NT5DC1: variants seen among roughly 807,000 people sequenced by gnomAD.
NT5DC1 encodes the protein 5'-nucleotidase domain-containing protein 1.
Under a neutral mutation model 59.4 loss-of-function variants are expected in NT5DC1, and 42 were observed. The observed-to-expected ratio is 0.71, with a 90% CI of 0.55 to 0.92. The LOEUF is 0.92. Among genes scored for constraint, NT5DC1 ranks in the 40% least tolerant of loss-of-function variants. The pLI, the probability that NT5DC1 is intolerant of heterozygous loss-of-function variation, is 0.00. For missense variants in NT5DC1, 501 were observed against 537.1 expected, an observed-to-expected ratio of 0.93 and a Z score of 0.66; for synonymous variants, 172 against 188.1, an observed-to-expected ratio of 0.91 and a Z score of 0.70.
chr6:116,182,743 T>C (rs561584520), intron 6 of NT5DC1, among the ~76,000 whole-genome samples: 1 of 152,164 alleles, frequency 6.6e-6, no homozygotes, highest in South Asian at 2.1e-4. Context: ...GTTTGTTTTT[T>C]TCTTGCTGAT....
At chr6:116,166,805 A>C (rs1200257883) in intron 6 of NT5DC1, among the ~76,000 whole-genome samples, 2 of 152,172 alleles carry the variant, frequency 1.3e-5, no homozygotes, top group Non-Finnish European at 2.9e-5. Flanking sequence ...CCCTGATGTA[A>C]ACTTCATCAC....
intron 6 of NT5DC1, among the ~76,000 whole-genome samples, chr6:116,215,439 TG>T (rs1285022897): frequency 2.0e-5 from 3 of 152,174 alleles, no homozygotes; most frequent in Non-Finnish European, 2.9e-5. Flanking sequence ...GCTTTCAACC[TG>T]GTAAGATTTC....
intron 6 of NT5DC1, among the ~76,000 whole-genome samples, chr6:116,170,812 A>T (rs910597016): frequency 1.3e-5 from 2 of 152,114 alleles, no homozygotes; most frequent in African/African-American, 4.8e-5. Flanking sequence ...ACCTTAGAAG[A>T]TCTTGCAGTT....
intron 6 of NT5DC1, among the ~76,000 whole-genome samples, chr6:116,160,040 A>G (rs956909157): frequency 6.6e-6 from 1 of 152,126 alleles, no homozygotes; most frequent in Non-Finnish European, 1.5e-5. Flanking sequence ...GGTCAATTCC[A>G]TGACTTTGCT....
At chr6:116,190,342 G>A (rs1020324437) in intron 6 of NT5DC1, among the ~76,000 whole-genome samples, 4 of 151,914 alleles carry the variant, frequency 2.6e-5, no homozygotes, top group Non-Finnish European at 4.4e-5. Flanking sequence ...ATAAAAGGAA[G>A]CAATTTTTTA....
chr6:116,145,489 T>A (rs1162412491), intron 6 of NT5DC1: 1 of 372,006 alleles, frequency 2.7e-6, no homozygotes, highest in Non-Finnish European at 6.1e-6. Context: ...AGTTTCATAC[T>A]TATTTAAGAG....
chr6:116,242,956 A>G (rs1023761450), intron 11 of NT5DC1, among the ~76,000 whole-genome samples: 4 of 152,122 alleles, frequency 2.6e-5, no homozygotes, highest in African/African-American at 9.7e-5. Context: ...GCACCAGAGG[A>G]GAAAAGCTGA....
chr6:116,156,149 GTTCCCC>G (rs1780187576), intron 6 of NT5DC1, among the ~76,000 whole-genome samples: 2 of 152,084 alleles, frequency 1.3e-5, no homozygotes, highest in Non-Finnish European at 2.9e-5. Flanking sequence ...TCAGTCTCCT[GTTCCCC>G]ATCATCTTTT....
At chr6:116,182,112 C>T (rs1005379522) in intron 6 of NT5DC1, among the ~76,000 whole-genome samples, 1 of 152,036 alleles carries the variant, frequency 6.6e-6, no homozygotes, top group African/African-American at 2.4e-5. Flanking sequence ...TGAGTGAGAA[C>T]ATTGGTTTTC....
At chr6:116,174,692 G>T (rs1019266445) in intron 6 of NT5DC1, among the ~76,000 whole-genome samples, 1 of 152,048 alleles carries the variant, frequency 6.6e-6, no homozygotes, top group Non-Finnish European at 1.5e-5. Flanking sequence ...ACAGGTACTT[G>T]TTTTCTCTCC....
chr6:116,171,198 C>A (rs947921287), intron 6 of NT5DC1, among the ~76,000 whole-genome samples: 2 of 152,108 alleles, frequency 1.3e-5, no homozygotes, highest in Admixed American at 1.3e-4. Context: ...ATTATTGTCA[C>A]CACTACCTTT....
intron 2 of NT5DC1, among the ~76,000 whole-genome samples, chr6:116,108,033 A>G (rs1778800766): frequency 6.6e-6 from 1 of 152,058 alleles, no homozygotes; most frequent in Non-Finnish European, 1.5e-5. Context: ...TTAGTGGAAA[A>G]CATTTGTACA....
intron 6 of NT5DC1, among the ~76,000 whole-genome samples, chr6:116,163,266 G>A (rs1780386140): frequency 6.7e-6 from 1 of 149,354 alleles, no homozygotes; most frequent in Admixed American, 6.7e-5. Flanking sequence ...TGTTTTGGTT[G>A]GTAGATCTTT....
intron 6 of NT5DC1, among the ~76,000 whole-genome samples, 177 bp from the exon 7 acceptor site, chr6:116,220,877 A>G (rs972423661): frequency 6.6e-6 from 1 of 152,244 alleles, no homozygotes; most frequent in Middle Eastern, 3.2e-3. Context: ...TTGTGTTTTC[A>G]AGTAAAGAAC....
intron 8 of NT5DC1, among the ~76,000 whole-genome samples, chr6:116,225,936 G>C (rs73770704): frequency 0.013 from 1,934 of 152,226 alleles, 44 homozygotes; most frequent in African/African-American, 0.045. Flanking sequence ...AACTTTGGAG[G>C]GGGGTGGAGG....
rs1562154216 is a variant in NT5DC1 at position 116,182,233 on chromosome 6, G to GTGTGTGTGTGTGTGTA, written c.530-38806_530-38805insATGTGTGTGTGTGTGT. ...AGTATTCCATGGAGAGTGTGTGTGT[G>GTGTGTGTGTGTGTGTA]TGTGTGTGTGTGTGTGTGTGTATCA... On this transcript the variant is annotated intron_variant, in intron 6 of 11. Transcript: ENST00000319550. 4.3e-3 allele frequency among the ~76,000 whole-genome samples: 649 copies of GTGTGTGTGTGTGTGTA among 151,620 alleles called. 5 individuals are homozygous for GTGTGTGTGTGTGTGTA. Among genetic ancestry groups the GTGTGTGTGTGTGTGTA allele is most frequent in the African/African-American group, 0.014 (591 of 41,322 alleles).
intron 11 of NT5DC1, among the ~76,000 whole-genome samples, chr6:116,240,787 C>T (rs976226820): frequency 6.6e-6 from 1 of 152,038 alleles, no homozygotes; most frequent in Admixed American, 6.6e-5. Flanking sequence ...CTTTAAATTG[C>T]TGAAAGAAAA....
At chr6:116,177,030 C>G (rs1780749264) in intron 6 of NT5DC1, among the ~76,000 whole-genome samples, 1 of 152,056 alleles carries the variant, frequency 6.6e-6, no homozygotes. Flanking sequence ...ACAAAATGTC[C>G]AGAGAACTAC....
At chr6:116,151,450 T>C (rs953874895) in intron 6 of NT5DC1, among the ~76,000 whole-genome samples, 9 of 152,240 alleles carry the variant, frequency 5.9e-5, no homozygotes, top group African/African-American at 2.2e-4. Flanking sequence ...AGGGCATTTA[T>C]AGAGTAAAAT....
Sources: allele counts gnomAD v4.1 joint callset (sites outside exome capture counted in the v4.1 genomes callset), GRCh38; gene constraint gnomAD v4.1.1; transcripts MANE v1.5; gene names NCBI Gene and HGNC (gene_info 2026-07-23, HGNC 2026-07-21).